Variants in CDC27 observed in about 807,000 individuals in gnomAD.
The protein encoded by CDC27 is cell division cycle 27, also known as cell division cycle protein 27 homolog.
In CDC27, 27 loss-of-function variants were observed where a neutral mutation model predicts 109.7. The ratio of observed to expected loss-of-function variants is 0.25; its 90% confidence interval spans 0.18 to 0.34. The LOEUF (loss-of-function observed/expected upper bound fraction) is 0.34, where lower values mean the gene tolerates loss of function less well. CDC27 is among the 10% of genes least tolerant of loss of function. The pLI, the probability that CDC27 is intolerant of heterozygous loss-of-function variation, is 1.00. For synonymous variants in CDC27, 266 were observed against 333.9 expected (o/e 0.80, Z 2.22); for missense variants, 579 against 960.2 (o/e 0.60, Z 5.25).
rs11570449 is a variant in CDC27 at position 47,189,068 on chromosome 17, A to G, written c.27+78T>C. Reference sequence around the variant, plus strand: ...GAAGCAGCCGGGCCTAGGCCGCACCAGGCCGCGGAGTGGCCCTACGCTGCT... The same window carrying G: ...GAAGCAGCCGGGCCTAGGCCGCACCGGGCCGCGGAGTGGCCCTACGCTGCT... On this transcript the variant is annotated intron_variant, in intron 1 of 18. Transcript: ENST00000066544. 4,291 of 1,541,430 alleles carry G rather than the reference A, an allele frequency of 2.8e-3. 113 individuals are homozygous for G. In the African/African-American group the frequency reaches 0.051, roughly 18 times the overall value.
intron 13 of CDC27, among the ~76,000 whole-genome samples, chr17:47,138,181 C>T (rs2148852515): frequency 6.6e-6 from 1 of 152,252 alleles, no homozygotes; most frequent in East Asian, 1.9e-4. Context: ...CACAATCTAT[C>T]TCTGTTTCAA....
intron 2 of CDC27, among the ~76,000 whole-genome samples, chr17:47,180,148 C>T (rs1986817): frequency 0.079 from 12,027 of 152,118 alleles, 643 homozygotes; most frequent in South Asian, 0.19. Flanking sequence ...TTTAAAAATA[C>T]AGCAAAATAT....
chr17:47,185,484 G>A (rs1438142430), intron 1 of CDC27, among the ~76,000 whole-genome samples: 3 of 152,188 alleles, frequency 2.0e-5, no homozygotes, highest in Non-Finnish European at 2.9e-5. Flanking sequence ...CGCCCGGCCT[G>A]TAATCATTAT....
chr17:47,169,712 G>T, intron 4 of CDC27: 1 of 369,130 alleles, frequency 2.7e-6, no homozygotes, highest in Non-Finnish European at 4.8e-6. Context: ...GTTAGGCAGG[G>T]CAGCTGTAGC....
At chr17:47,169,645 CAA>C (rs373074410) in intron 4 of CDC27, among the ~76,000 whole-genome samples, 12 of 60,116 alleles carry the variant, frequency 2.0e-4, no homozygotes, top group Admixed American at 2.0e-4. Flanking sequence ...AACTCCATCT[CAA>C]AAAAAAAAAA....
At chr17:47,137,797 T>TTC (rs201236032) in intron 13 of CDC27, among the ~76,000 whole-genome samples, 15 of 137,152 alleles carry the variant, frequency 1.1e-4, no homozygotes, top group African/African-American at 3.7e-4. Context: ...CTGAACCTCA[T>TTC]TCTCTCTCTT....
At chr17:47,147,204 T>C (rs2062986725) in intron 9 of CDC27, among the ~76,000 whole-genome samples, 1 of 150,480 alleles carries the variant, frequency 6.6e-6, no homozygotes, top group Non-Finnish European at 1.5e-5. Context: ...ATCGAGACCA[T>C]CCTGGCTAAC....
At chr17:47,133,859 G>A (rs921580606) in intron 14 of CDC27, among the ~76,000 whole-genome samples, 9 of 148,136 alleles carry the variant, frequency 6.1e-5, no homozygotes, top group East Asian at 2.0e-4. Flanking sequence ...AGCGATTTTC[G>A]TGCCTCAGCC....
intron 2 of CDC27, among the ~76,000 whole-genome samples, chr17:47,180,450 TTAACTTC>T (rs2064178843): frequency 6.6e-6 from 1 of 152,172 alleles, no homozygotes; most frequent in Admixed American, 6.5e-5. Context: ...TGGTTTCCAC[TTAACTTC>T]TCAAAACTAC....
At chr17:47,147,953 C>A (rs1250399134) in intron 9 of CDC27, among the ~76,000 whole-genome samples, 4 of 149,128 alleles carry the variant, frequency 2.7e-5, no homozygotes, top group African/African-American at 9.9e-5. Context: ...GTAATCCCAG[C>A]ACTTTCGGAG....
At chr17:47,127,412 T>C (rs890075883) in intron 16 of CDC27, among the ~76,000 whole-genome samples, 1 of 152,098 alleles carries the variant, frequency 6.6e-6, no homozygotes, top group Non-Finnish European at 1.5e-5. Flanking sequence ...ATTTTTACGT[T>C]TTTTTTTGAG....
At chr17:47,165,260 A>C (rs369448767) in intron 4 of CDC27, among the ~76,000 whole-genome samples, 2 of 152,188 alleles carry the variant, frequency 1.3e-5, no homozygotes, top group East Asian at 1.9e-4. Context: ...TTATGAATAA[A>C]GTTGCTATGA....
rs568270748 is a variant in CDC27 at position 47,125,874 on chromosome 17, C to T, written c.2161-1914G>A. ...AAATCTTAATCTCTAAGATGACACA[C>T]TCCAATCCTCCTTCACTGCTACAAC... On this transcript the variant is annotated intron_variant, in intron 16 of 18. Coordinates refer to ENST00000066544, the MANE Select transcript of CDC27 (RefSeq NM_001256.6). 8.9e-4 allele frequency among the ~76,000 whole-genome samples: 135 copies of T among 152,302 alleles called. 1 individual carries two copies. The highest frequency in any genetic ancestry group is 3.2e-3 in the African/African-American group (132 of 41,568).
intron 1 of CDC27, among the ~76,000 whole-genome samples, chr17:47,184,035 C>G (rs975932914): frequency 2.1e-4 from 32 of 152,072 alleles, no homozygotes; most frequent in African/African-American, 7.7e-4. Context: ...TCCTAAGAAC[C>G]TACATGTTTA....
chr17:47,165,864 T>C (rs2063628878), intron 4 of CDC27, among the ~76,000 whole-genome samples: 1 of 152,222 alleles, frequency 6.6e-6, no homozygotes, highest in Admixed American at 6.5e-5. Flanking sequence ...TCTCTGCCTA[T>C]GGATATCCAA....
At chr17:47,140,427 A>G (rs1251674214) in intron 12 of CDC27, among the ~76,000 whole-genome samples, 1 of 152,172 alleles carries the variant, frequency 6.6e-6, no homozygotes, top group African/African-American at 2.4e-5. Context: ...TTTTTCATTC[A>G]GGCATGGTAA....
At chr17:47,183,869 A>G (rs1209316269) in intron 1 of CDC27, among the ~76,000 whole-genome samples, 1 of 152,200 alleles carries the variant, frequency 6.6e-6, no homozygotes, top group Non-Finnish European at 1.5e-5. Flanking sequence ...CTTGTACGTT[A>G]GTCTTAGCAT....
intron 1 of CDC27, among the ~76,000 whole-genome samples, chr17:47,185,157 G>T (rs1178272740): frequency 6.6e-6 from 1 of 151,972 alleles, no homozygotes; most frequent in Admixed American, 6.6e-5. Flanking sequence ...GTTGTACTTA[G>T]ACTTAAATGT....
chr17:47,143,728 A>C (rs1363923634), intron 10 of CDC27, among the ~76,000 whole-genome samples, 155 bp downstream of exon 10: 1 of 152,168 alleles, frequency 6.6e-6, no homozygotes, highest in Non-Finnish European at 1.5e-5. Context: ...GGACTAATTA[A>C]CTTCACAAAA....
Sources: gnomAD v4.1 joint callset for allele counts (sites outside exome capture counted in the v4.1 genomes callset) on GRCh38, gnomAD v4.1.1 for gene constraint, MANE v1.5 for transcripts, NCBI Gene and HGNC (gene_info 2026-07-23, HGNC 2026-07-21) for gene names.